The following PLEKHG3 variants were observed in gnomAD, a reference collection of about 807,000 sequenced individuals.
PLEKHG3 encodes pleckstrin homology and RhoGEF domain containing G3, also known as pleckstrin homology domain-containing family G member 3.
Under a neutral mutation model 94.9 loss-of-function variants are expected in PLEKHG3, and 62 were observed. That is an observed-to-expected ratio of 0.65 (90% CI 0.53 to 0.81). PLEKHG3 has a LOEUF of 0.81. PLEKHG3 is among the 30% of genes least tolerant of loss of function. The pLI is 0.00. For missense variants in PLEKHG3, 1,461 were observed against 1,619.3 expected (o/e 0.90, Z 1.68); for synonymous variants, 614 against 654.0 (o/e 0.94, Z 0.93).
chr14:64,715,666 T>C lies in PLEKHG3; in HGVS notation c.-40+10962T>C. ...TTGTTGTGCTGGTGAATGATCTGGC[T>C]TTGTTCTGAAGTCTTCAGTATTTGA... On this transcript the variant is annotated intron_variant, in intron 1 of 16. Coordinates refer to ENST00000247226, the MANE Select transcript of PLEKHG3 (RefSeq NM_001308147.2). The surrounding 1 kb of genome is among the most constrained non-coding windows in gnomAD (Gnocchi z 4.4). 4.5e-6 allele frequency: 1 copy of C among 220,250 alleles called. No homozygotes were observed. Among genetic ancestry groups the C allele is most frequent in the Admixed American group, 5.4e-5 (1 of 18,384 alleles). 13.6% of individuals were successfully genotyped at this position (220,250 alleles called of 1,614,324 possible).
At position 64,716,814 on chromosome 14, in the gene PLEKHG3, C is replaced by T. The variant is rs1257665925; in HGVS notation, c.-39-10779C>T. 4.6e-5 allele frequency among the ~76,000 whole-genome samples: 7 copies of T among 152,100 alleles called. No individual in the cohort carries two copies. Among genetic ancestry groups the T allele is most frequent in the East Asian group, 3.9e-4 (2 of 5,176 alleles). ...TTTCAAGGAGTAGACGCTGCTTCCT[C>T]GGCCGTGTCTCTACACGTGTGCACC... is the stretch of plus-strand genomic sequence containing the variant. On this transcript the variant is annotated intron_variant, in intron 1 of 16. Transcript: ENST00000247226. This position sits in a 1 kb window ranked among gnomAD's most constrained non-coding sequence, Gnocchi z 5.0.
Position 64,731,083 on chromosome 14 carries a change from G to C in PLEKHG3, c.763G>C (p.Val255Leu). 1 of 1,613,892 alleles carries C rather than the reference G, an allele frequency of 6.2e-7. No individual in the cohort carries two copies. Reference sequence around the variant, plus strand: ...TGAAGAAGAGGATGGCTTTGAGGTGGTGGAGGATGCCATTGACACCATGAC... The same window carrying C: ...TGAAGAAGAGGATGGCTTTGAGGTGCTGGAGGATGCCATTGACACCATGAC... ...FDEEEDGFEV[V>L]EDAIDTMTCV... is the part of the protein sequence containing the mutation. The change falls in exon 7 of 17, where the codon GTG becomes CTG. Residue 255 changes from valine (V) to leucine (L), a missense_variant. By Grantham distance (32) the Val-to-Leu change is conservative. Transcript: ENST00000247226. The surrounding 1 kb of genome is among the most constrained non-coding windows in gnomAD (Gnocchi z 6.1).
rs2081293789 is a variant in PLEKHG3 at position 64,723,169 on chromosome 14, GTGGTT to G, written c.-39-4422_-39-4418del. Among the ~76,000 whole-genome samples the G allele has an allele frequency of 7.2e-6, 1 of 139,300 alleles. No individual in the cohort carries two copies. Among genetic ancestry groups the G allele is most frequent in the Non-Finnish European group, 1.6e-5 (1 of 62,980 alleles). The allele number at this position is 139,300 out of a possible 152,430, so 91.4% of individuals were successfully genotyped here. A position where few individuals can be genotyped will look rare whatever the true frequency, so the allele number is the denominator to read the frequency against. ...GGTGTGGGTGGAGGAAGGGTGTGGTGTGGTTTAGGCTTAAATTTAAAGAAAAAGAA... is the reference window on the plus strand; with the variant it reads ...GGTGTGGGTGGAGGAAGGGTGTGGTGTAGGCTTAAATTTAAAGAAAAAGAA... On this transcript the variant is annotated intron_variant, in intron 1 of 16. Coordinates refer to ENST00000247226, the MANE Select transcript of PLEKHG3 (RefSeq NM_001308147.2). The surrounding 1 kb of genome is among the most constrained non-coding windows in gnomAD (Gnocchi z 4.5).
rs1232711822 is a variant in PLEKHG3 at position 64,739,687 on chromosome 14, G to A, written c.1518+832G>A. The stretch of plus-strand genomic sequence containing the variant: ...AAATTCTAAGGTCAAGATGCCAGCA[G>A]ACCCTGGGGAGGGCTTGCCCTCTGC... On this transcript the variant is annotated intron_variant, in intron 15 of 16. Transcript: ENST00000247226. The surrounding 1 kb of genome is among the most constrained non-coding windows in gnomAD (Gnocchi z 4.1). Among the ~76,000 whole-genome samples, 1 of 152,262 alleles carries A rather than the reference G, an allele frequency of 6.6e-6. No homozygotes were observed. The highest frequency in any genetic ancestry group is 1.5e-5 in the Non-Finnish European group (1 of 68,048).
rs1398624537 is a variant in PLEKHG3 at position 64,737,329 on chromosome 14, T to C, written c.1385-27T>C. 5 of 1,599,788 alleles carry C rather than the reference T, an allele frequency of 3.1e-6. No homozygotes were observed. The African/African-American group carries it at 5.4e-5, about 17-fold the overall frequency. Reference sequence around the variant, plus strand: ...CCTCCCCTGCCCCTCGCCCGTGTGCTGGGGGACCCGGTGGTGATGTCTGCA... The same window carrying C: ...CCTCCCCTGCCCCTCGCCCGTGTGCCGGGGGACCCGGTGGTGATGTCTGCA... On this transcript the variant is annotated intron_variant, in intron 13 of 16. Coordinates refer to ENST00000247226, the MANE Select transcript of PLEKHG3 (RefSeq NM_001308147.2).
At chr14:64,742,532 G>A (rs923062969) in intron 16 of PLEKHG3, 77 bp downstream of exon 16, 42 of 1,099,900 alleles carry the variant, frequency 3.8e-5, no homozygotes, top group Non-Finnish European at 4.6e-5. Context: ...TTGGCTCCTC[G>A]GGGAAAGTGA....
chr14:64,737,365 C>T lies in PLEKHG3; in HGVS notation c.1394C>T (p.Ala465Val). ...GTGGTGATGTCTGCAGCCCGAGCAGCAGGAATGAAGGTAAAGGCCAGTGGG... is the reference window on the plus strand; with the variant it reads ...GTGGTGATGTCTGCAGCCCGAGCAGTAGGAATGAAGGTAAAGGCCAGTGGG... ...LRQLNEKARAAGMKGKGRRES... is the reference protein window; with the variant it reads ...LRQLNEKARAVGMKGKGRRES... Residue 465 changes from alanine to valine, a missense_variant, in exon 14 of 17, where the codon GCA (alanine) becomes GTA (valine). Physicochemically the swap from Ala to Val is moderately conservative, Grantham distance 64. Around this residue, in one of 3 missense-constraint regions of PLEKHG3, gnomAD observed 1,201 missense variants for 1,295.5 expected, o/e 0.93. Transcript: ENST00000247226. 1.2e-6 allele frequency: 2 copies of T among 1,600,780 alleles called. No homozygotes were observed. Among genetic ancestry groups the T allele is most frequent in the Non-Finnish European group, 1.7e-6 (2 of 1,174,098 alleles).
At chr14:64,734,416 A>G (rs1274499609) in intron 12 of PLEKHG3, among the ~76,000 whole-genome samples, 1 of 152,184 alleles carries the variant, frequency 6.6e-6, no homozygotes, top group African/African-American at 2.4e-5. Flanking sequence ...TAGTAGCTCT[A>G]TCCTAGTGTT....
Position 64,731,174 on chromosome 14 carries a change from T to C in PLEKHG3, c.849+5T>C, listed in dbSNP as rs1335242323. ...GAGCACGCGGTCCGGCTCCAGGTGC[T>C]CTGGGGCTGGGACGCTGGGGGAGGG... On this transcript the variant is annotated splice_donor_5th_base_variant and intron_variant, in intron 7 of 16. Transcript: ENST00000247226. The surrounding 1 kb of genome is among the most constrained non-coding windows in gnomAD (Gnocchi z 6.1). The C allele has an allele frequency of 1.9e-6, 3 of 1,600,012 alleles. No homozygotes were observed. The highest frequency in any genetic ancestry group is 2.6e-6 in the Non-Finnish European group (3 of 1,168,366).
intron 14 of PLEKHG3, among the ~76,000 whole-genome samples, chr14:64,737,597 T>C (rs986456275): frequency 1.3e-5 from 2 of 152,224 alleles, no homozygotes; most frequent in Non-Finnish European, 2.9e-5. Flanking sequence ...AGCACCCTGC[T>C]GGGGGCCTGC....
chr14:64,749,327 G>A lies in PLEKHG3; in HGVS notation c.*5624G>A, dbSNP rs2081904258. ...CCTGCTACTTCTTTTTGGGGAAGAA[G>A]CTGAATCTCTTCTCCTTGTCTTTCT... On this transcript the variant is annotated 3_prime_UTR_variant, in exon 17 of 17. Transcript: ENST00000247226. The surrounding 1 kb of genome is among the most constrained non-coding windows in gnomAD (Gnocchi z 4.7). The A allele has an allele frequency of 2.5e-6, 4 of 1,607,904 alleles. No homozygotes were observed. Among genetic ancestry groups the A allele is most frequent in the South Asian group, 1.1e-5 (1 of 90,484 alleles).
chr14:64,705,775 T>C (rs188553099), intron 1 of PLEKHG3, among the ~76,000 whole-genome samples: 207 of 152,334 alleles, frequency 1.4e-3, no homozygotes, highest in Admixed American at 2.4e-3. Context: ...CCATCCTTTG[T>C]TGGACAAGGA....
At chr14:64,740,115 T>C (rs1401371464) in intron 15 of PLEKHG3, among the ~76,000 whole-genome samples, 1 of 152,194 alleles carries the variant, frequency 6.6e-6, no homozygotes, top group Admixed American at 6.5e-5. Flanking sequence ...CAATCTGGTG[T>C]GTATTTTATC....
At chr14:64,719,331 G>A (rs962566177) in intron 1 of PLEKHG3, among the ~76,000 whole-genome samples, 17 of 150,378 alleles carry the variant, frequency 1.1e-4, no homozygotes, top group African/African-American at 4.2e-4. Context: ...TGATTTATCC[G>A]TTATCATCAT....
chr14:64,711,574 T>C (rs2081067166), intron 1 of PLEKHG3, among the ~76,000 whole-genome samples: 1 of 152,104 alleles, frequency 6.6e-6, no homozygotes, highest in African/African-American at 2.4e-5. Context: ...CCACCACGTC[T>C]GGCTAATTTT....
Position 64,738,624 on chromosome 14 carries a change from G to T in PLEKHG3, c.1405-118G>T. 1.3e-6 allele frequency: 1 copy of T among 755,866 alleles called. No homozygotes were observed. The highest frequency in any genetic ancestry group is 1.6e-5 in the South Asian group (1 of 60,978). The allele number at this position is 755,866 out of a possible 1,614,324, so 46.8% of individuals were successfully genotyped here. ...TGGCTCTGGAATGGCTCAGGTCCAA[G>T]ACTGGCTCTCAGCTCAGCCCAGCCC... On this transcript the variant is annotated intron_variant, in intron 14 of 16. Transcript: ENST00000247226. The surrounding 1 kb of genome is among the most constrained non-coding windows in gnomAD (Gnocchi z 4.8).
rs1164081753 is a variant in PLEKHG3, at chr14:64,722,507, A to G, written c.-39-5086A>G. ...AGTGCTGGGATTACAGGCGTGAGCC[A>G]CTGCGCCTGGCCACGAGGACTTTCC... On this transcript the variant is annotated intron_variant, in intron 1 of 16. Transcript: ENST00000247226. This position sits in a 1 kb window ranked among gnomAD's most constrained non-coding sequence, Gnocchi z 4.3. Among the ~76,000 whole-genome samples the G allele has an allele frequency of 6.6e-6, 1 of 152,190 alleles. No individual in the cohort carries two copies. Among genetic ancestry groups the G allele is most frequent in the Non-Finnish European group, 1.5e-5 (1 of 68,036 alleles).
At position 64,739,075 on chromosome 14, in the gene PLEKHG3, C is replaced by G. The variant is rs548843029; in HGVS notation, c.1518+220C>G. On this transcript the variant is annotated intron_variant, in intron 15 of 16. Coordinates refer to ENST00000247226, the MANE Select transcript of PLEKHG3 (RefSeq NM_001308147.2). The surrounding 1 kb of genome is among the most constrained non-coding windows in gnomAD (Gnocchi z 4.1). ...CTTTCTATGAAGTAGAGAAAGGCTC[C>G]CCTTTGGGCAGATGCAGTCCCATGT... Among the ~76,000 whole-genome samples, 10 of 152,232 alleles carry G rather than the reference C, an allele frequency of 6.6e-5. No individual in the cohort carries two copies. The highest frequency in any genetic ancestry group is 2.4e-4 in the African/African-American group (10 of 41,534).
At chr14:64,712,136 T>A (rs906851258) in intron 1 of PLEKHG3, among the ~76,000 whole-genome samples, 2 of 152,246 alleles carry the variant, frequency 1.3e-5, no homozygotes, top group Non-Finnish European at 2.9e-5. Context: ...CAGTTGCCAA[T>A]AAATATGTTG....
Sources: gnomAD v4.1 joint callset for allele counts (sites outside exome capture counted in the v4.1 genomes callset) on GRCh38, gnomAD v4.1.1 for gene constraint, gnomAD v4.1.1 regional missense constraint, Gnocchi (gnomAD v3.1) non-coding constraint, MANE v1.5 for transcripts, NCBI Gene and HGNC (gene_info 2026-07-23, HGNC 2026-07-21) for gene names.